B4GALT6: variants seen among roughly 807,000 people sequenced by gnomAD.
B4GALT6 encodes beta-1,4-galactosyltransferase 6.
A neutral mutation model predicts 46.3 loss-of-function variants in B4GALT6; 14 were observed. The ratio of observed to expected loss-of-function variants is 0.30; its 90% CI spans 0.20 to 0.47. B4GALT6 has a LOEUF of 0.47. Ranked by LOEUF, B4GALT6 falls within the 20% of genes least tolerant of loss-of-function variation. The pLI, the probability that B4GALT6 is intolerant of heterozygous loss-of-function variation, is 0.99. For missense variants in B4GALT6, 386 were observed against 480.1 expected, an observed-to-expected ratio of 0.80 and a Z score of 1.83; for synonymous variants, 168 against 162.0, an observed-to-expected ratio of 1.04 and a Z score of -0.28.
chr18:31,714,958 T>C, the B4GALT6 span, among the ~76,000 whole-genome samples: 1 of 152,162 alleles, frequency 6.6e-6, no homozygotes, highest in African/African-American at 2.4e-5. Context: ...AAATACAAGA[T>C]TCCCAGTTAA....
At chr18:31,681,361 C>T (rs1301616971) in intron 1 of B4GALT6, among the ~76,000 whole-genome samples, 1 of 152,204 alleles carries the variant, frequency 6.6e-6, no homozygotes, top group African/African-American at 2.4e-5. Context: ...TGGCTCTGGC[C>T]TCTAGGGGTG....
chr18:31,630,788 A>G (rs545183332), intron 6 of B4GALT6, among the ~76,000 whole-genome samples, 171 bp downstream of exon 6: 1 of 152,258 alleles, frequency 6.6e-6, no homozygotes, highest in African/African-American at 2.4e-5. Flanking sequence ...ACCCAGGGGA[A>G]CGAAAAGCCA....
chr18:31,645,398 G>A lies in B4GALT6; in HGVS notation c.428C>T (p.Pro143Leu), dbSNP rs764209448. Residue 143 changes from proline to leucine, a missense_variant, in exon 4 of 9, where the codon CCA becomes CTA. Coordinates refer to ENST00000306851, the MANE Select transcript of B4GALT6 (RefSeq NM_004775.5). ...QLFSKDLDIEPGGHWRPKDCK... is the reference protein window; with the variant it reads ...QLFSKDLDIELGGHWRPKDCK... ...GTCTTTTGGCCTCCAATGACCCCCT[G>A]GCTCAATATCTAAATCCTTGGAGAA... is the stretch of plus-strand genomic sequence containing the variant. The A allele has an allele frequency of 6.2e-7, 1 of 1,613,822 alleles. No individual in the cohort carries two copies. The highest frequency in any genetic ancestry group is 1.1e-5 in the South Asian group (1 of 91,010).
At chr18:31,699,155 T>C in the B4GALT6 span, among the ~76,000 whole-genome samples, 7 of 151,816 alleles carry the variant, frequency 4.6e-5, no homozygotes, top group Non-Finnish European at 7.4e-5. Context: ...TACAGGAACA[T>C]TGAATTCTAC....
chr18:31,670,453 A>T (rs182492249), intron 1 of B4GALT6, among the ~76,000 whole-genome samples: 21 of 152,340 alleles, frequency 1.4e-4, no homozygotes, highest in Non-Finnish European at 1.9e-4. Flanking sequence ...TAAGAAAAGC[A>T]ACACACCAAT....
chr18:31,662,449 T>G (rs1791172), intron 2 of B4GALT6, among the ~76,000 whole-genome samples: 2 of 152,036 alleles, frequency 1.3e-5, no homozygotes, highest in Non-Finnish European at 2.9e-5. Context: ...CACCTAATAA[T>G]AGTACCTACA....
At chr18:31,653,317 GCTGTTCT>G (rs754377129) in intron 3 of B4GALT6, among the ~76,000 whole-genome samples, 43 of 151,954 alleles carry the variant, frequency 2.8e-4, no homozygotes, top group South Asian at 2.5e-3. Context: ...TTGTGGTGAT[GCTGTTCT>G]CTCTCAGCTA....
At chr18:31,690,409 G>A (rs531939735), upstream of B4GALT6, among the ~76,000 whole-genome samples, 6 of 152,132 alleles carry the variant, frequency 3.9e-5, no homozygotes, top group Non-Finnish European at 5.9e-5. Flanking sequence ...GGGATTACAG[G>A]TGTAAGCCAC....
rs2073652913 is a variant in B4GALT6, at chr18:31,623,985, A to G, written c.*1629T>C. On this transcript the variant is annotated 3_prime_UTR_variant, in exon 9 of 9. Coordinates refer to ENST00000306851, the MANE Select transcript of B4GALT6 (RefSeq NM_004775.5). Reference sequence around the variant, plus strand: ...TGAACATTCACTTTATAGATATTTAATTTTTTGTTTAAAATTTGTGAAAAT... The same window carrying G: ...TGAACATTCACTTTATAGATATTTAGTTTTTTGTTTAAAATTTGTGAAAAT... 6.6e-6 allele frequency: 1 copy of G among 152,032 alleles called. No homozygotes were observed. 9.4% of individuals were successfully genotyped at this position (152,032 alleles called of 1,614,324 possible). A position where few individuals can be genotyped will look rare whatever the true frequency, so the allele number is the denominator to read the frequency against.
At chr18:31,701,340 C>G in the B4GALT6 span, among the ~76,000 whole-genome samples, 1 of 152,166 alleles carries the variant, frequency 6.6e-6, no homozygotes, top group African/African-American at 2.4e-5. Flanking sequence ...TCTCCTGCAC[C>G]TTCCATCATG....
intron 5 of B4GALT6, among the ~76,000 whole-genome samples, chr18:31,634,401 C>A (rs1223163278): frequency 6.6e-6 from 1 of 152,236 alleles, no homozygotes; most frequent in Non-Finnish European, 1.5e-5. Flanking sequence ...TGCAGTGCTT[C>A]AGCCTACCTT....
the B4GALT6 span, among the ~76,000 whole-genome samples, chr18:31,713,848 G>T: frequency 6.6e-6 from 1 of 152,204 alleles, no homozygotes; most frequent in African/African-American, 2.4e-5. Flanking sequence ...TGACAAGCTC[G>T]AGTTAATTGG....
At chr18:31,691,522 T>C in the B4GALT6 span, among the ~76,000 whole-genome samples, 3 of 151,924 alleles carry the variant, frequency 2.0e-5, no homozygotes, top group African/African-American at 7.3e-5. Context: ...ATCTTATACC[T>C]GTAGCCAACA....
At chr18:31,647,078 C>T (rs988597543) in intron 3 of B4GALT6, among the ~76,000 whole-genome samples, 3 of 152,178 alleles carry the variant, frequency 2.0e-5, no homozygotes, top group Non-Finnish European at 4.4e-5. Context: ...ACTATCATGA[C>T]TCAGCTGACA....
chr18:31,717,811 G>A, the B4GALT6 span, among the ~76,000 whole-genome samples: 17 of 152,052 alleles, frequency 1.1e-4, no homozygotes, highest in Admixed American at 4.6e-4. Flanking sequence ...AAAATTAGCC[G>A]AGCGTGGTGG....
intron 1 of B4GALT6, among the ~76,000 whole-genome samples, chr18:31,668,600 G>C (rs544491711): frequency 1.4e-4 from 22 of 152,050 alleles, no homozygotes; most frequent in Non-Finnish European, 2.9e-4. Context: ...TCATAAAATA[G>C]ACTGTACACA....
chr18:31,632,249 T>C (rs946995107), intron 5 of B4GALT6, among the ~76,000 whole-genome samples: 6 of 152,158 alleles, frequency 3.9e-5, no homozygotes, highest in East Asian at 3.9e-4. Context: ...CTTGAGGTAA[T>C]AGAAGTCATT....
At chr18:31,722,505 A>G in the B4GALT6 span, among the ~76,000 whole-genome samples, 2 of 152,222 alleles carry the variant, frequency 1.3e-5, no homozygotes, top group Admixed American at 1.3e-4. Flanking sequence ...GGCTGCTCAC[A>G]TTACAATGAG....
chr18:31,681,276 T>A (rs1245015428), intron 1 of B4GALT6, among the ~76,000 whole-genome samples: 1 of 152,238 alleles, frequency 6.6e-6, no homozygotes, highest in African/African-American at 2.4e-5. Context: ...TCCAGCCAAG[T>A]CAAAACCTTG....
Sources: gnomAD v4.1 joint callset for allele counts (sites outside exome capture counted in the v4.1 genomes callset) on GRCh38, gnomAD v4.1.1 for gene constraint, MANE v1.5 for transcripts, NCBI Gene and HGNC (gene_info 2026-07-23, HGNC 2026-07-21) for gene names.